Variants in TAFA1 observed in about 807,000 individuals in gnomAD.
TAFA1 encodes chemokine-like protein TAFA-1.
A neutral mutation model predicts 18.5 loss-of-function variants in TAFA1; 4 were observed. That is an observed-to-expected ratio of 0.22 (90% confidence interval 0.11 to 0.49). The LOEUF is 0.49. Ranked by LOEUF, TAFA1 falls within the 20% of genes least tolerant of loss-of-function variation. The pLI, the probability that TAFA1 is intolerant of heterozygous loss-of-function variation, is 0.98. For missense variants in TAFA1, 147 were observed against 169.0 expected (o/e 0.87, Z 0.72); for synonymous variants, 56 against 55.2 (o/e 1.01, Z -0.06).
At chr3:68,034,985 A>G (rs1705014876) in intron 2 of TAFA1, among the ~76,000 whole-genome samples, 1 of 152,132 alleles carries the variant, frequency 6.6e-6, no homozygotes, top group African/African-American at 2.4e-5. Flanking sequence ...CCACCTGAAG[A>G]TCCTGGCTTT....
At position 68,248,159 on chromosome 3, in the gene TAFA1, TA is replaced by T. The variant is rs368056236; in HGVS notation, c.119-169117del. The stretch of plus-strand genomic sequence containing the variant: ...TAACTGACTTTCAATACATGCTCAT[TA>T]AAACCAAAAAAGCTAAATGATTCAA... On this transcript the variant is annotated intron_variant, in intron 2 of 4. Transcript: ENST00000478136. Among the ~76,000 whole-genome samples, 576 of 152,076 alleles carry T rather than the reference TA, an allele frequency of 3.8e-3. 3 individuals are homozygous for T. The highest frequency in any genetic ancestry group is 6.6e-3 in the Non-Finnish European group (450 of 68,014).
At chr3:68,296,457 AG>A (rs2068209265) in intron 2 of TAFA1, among the ~76,000 whole-genome samples, 1 of 152,184 alleles carries the variant, frequency 6.6e-6, no homozygotes, top group African/African-American at 2.4e-5. Context: ...AAATTCATCT[AG>A]GTGTTTTCAT....
chr3:68,222,167 A>AT (rs2066739284), intron 2 of TAFA1, among the ~76,000 whole-genome samples: 2 of 137,756 alleles, frequency 1.5e-5, no homozygotes, highest in South Asian at 5.0e-4. Flanking sequence ...AATGCCACCC[A>AT]TTTTTAGAAG....
chr3:68,539,712 A>C (rs1325183630), intron 4 of TAFA1, among the ~76,000 whole-genome samples: 3 of 24,390 alleles, frequency 1.2e-4, no homozygotes, highest in East Asian at 2.6e-3. Flanking sequence ...GGGTGTGTGC[A>C]TGTGTGTGGT....
rs567230477 is a variant in TAFA1 at position 68,320,303 on chromosome 3, G to A, written c.119-96977G>A. Among the ~76,000 whole-genome samples the A allele has an allele frequency of 3.3e-5, 5 of 152,278 alleles. No homozygotes were observed. The East Asian group carries it at 5.8e-4, about 18-fold the overall frequency. Reference sequence around the variant, plus strand: ...CTCCAAGTTGAATGGATGCAGGGGTGTGTTCTGAGTCTTCATGCTTTCAGA... The same window carrying A: ...CTCCAAGTTGAATGGATGCAGGGGTATGTTCTGAGTCTTCATGCTTTCAGA... On this transcript the variant is annotated intron_variant, in intron 2 of 4. Transcript: ENST00000478136.
intron 2 of TAFA1, among the ~76,000 whole-genome samples, chr3:68,192,834 G>A (rs115884253): frequency 1.4e-4 from 21 of 151,712 alleles, no homozygotes; most frequent in Non-Finnish European, 1.9e-4. Flanking sequence ...AGGGTGTGAT[G>A]GATCAGCTGA....
intron 2 of TAFA1, among the ~76,000 whole-genome samples, chr3:68,172,461 G>T (rs1222744469): frequency 6.6e-6 from 1 of 152,126 alleles, no homozygotes; most frequent in Non-Finnish European, 1.5e-5. Context: ...ATTATAAAAG[G>T]TTGCAGAAAC....
At chr3:68,177,896 G>A (rs1265286358) in intron 2 of TAFA1, among the ~76,000 whole-genome samples, 3 of 152,178 alleles carry the variant, frequency 2.0e-5, no homozygotes, top group African/African-American at 4.8e-5. Context: ...TGTAATCCCA[G>A]CCCTTTGGGA....
intron 3 of TAFA1, among the ~76,000 whole-genome samples, chr3:68,495,595 A>G (rs1559693402): frequency 6.6e-6 from 1 of 152,166 alleles, no homozygotes; most frequent in South Asian, 2.1e-4. Context: ...ACTGAAATGT[A>G]TACAAGATGC....
chr3:68,264,673 C>CTT (rs2067505915), intron 2 of TAFA1, among the ~76,000 whole-genome samples: 1 of 148,736 alleles, frequency 6.7e-6, no homozygotes, highest in Non-Finnish European at 1.5e-5. Flanking sequence ...CAATGAAAGT[C>CTT]TTTATCAATG....
At chr3:68,478,981 T>C (rs1483424162) in intron 3 of TAFA1, among the ~76,000 whole-genome samples, 2 of 150,048 alleles carry the variant, frequency 1.3e-5, no homozygotes, top group Non-Finnish European at 3.0e-5. Flanking sequence ...ATGCCTGTAA[T>C]CAGCACTTTA....
intron 3 of TAFA1, among the ~76,000 whole-genome samples, chr3:68,464,294 C>A (rs1042166309): frequency 6.6e-6 from 1 of 152,186 alleles, no homozygotes; most frequent in African/African-American, 2.4e-5. Context: ...AATATAAATG[C>A]ATTCCTAAGA....
In TAFA1 at chr3:68,214,714, C is replaced by G. The variant is rs528358827; in HGVS notation, c.119-202566C>G. Among the ~76,000 whole-genome samples, 4 of 152,196 alleles carry G rather than the reference C, an allele frequency of 2.6e-5. No individual in the cohort carries two copies. The East Asian group carries it at 7.8e-4, about 30-fold the overall frequency. On this transcript the variant is annotated intron_variant, in intron 2 of 4. Transcript: ENST00000478136. ...TTGATTCTGTGTCTAACACAAAGAG[C>G]TCACAAAATGTTAACAGTTATCATC...
chr3:68,421,829 C>CT (rs1207722688), intron 3 of TAFA1, among the ~76,000 whole-genome samples: 4 of 152,038 alleles, frequency 2.6e-5, no homozygotes, highest in African/African-American at 4.8e-5. Flanking sequence ...TAGAGAGAAA[C>CT]TTTTTTTATG....
At chr3:68,314,539 GC>G (rs1252837070) in intron 2 of TAFA1, among the ~76,000 whole-genome samples, 1 of 152,150 alleles carries the variant, frequency 6.6e-6, no homozygotes, top group Non-Finnish European at 1.5e-5. Flanking sequence ...TGATGGGATT[GC>G]TTTTTGACAA....
chr3:68,213,621 G>C (rs778882360), intron 2 of TAFA1, among the ~76,000 whole-genome samples: 9 of 152,066 alleles, frequency 5.9e-5, no homozygotes, highest in Non-Finnish European at 1.3e-4. Flanking sequence ...CATCAAGACT[G>C]TGTGGATTCC....
At chr3:68,375,699 T>A (rs2069797154) in intron 2 of TAFA1, among the ~76,000 whole-genome samples, 1 of 152,216 alleles carries the variant, frequency 6.6e-6, no homozygotes, top group South Asian at 2.1e-4. Context: ...TAATAACTAA[T>A]ACTTTTTGAA....
chr3:68,541,813 C>A (rs886950326), intron 4 of TAFA1, among the ~76,000 whole-genome samples: 1 of 152,166 alleles, frequency 6.6e-6, no homozygotes. Flanking sequence ...CTGTTCCAAA[C>A]CTTCATCTTT....
At chr3:68,533,537 G>T (rs370074388) in intron 3 of TAFA1, among the ~76,000 whole-genome samples, 5 of 152,156 alleles carry the variant, frequency 3.3e-5, no homozygotes, top group African/African-American at 9.7e-5. Flanking sequence ...TCTACATGTT[G>T]CATGTGAAAG....
Sources: allele counts gnomAD v4.1 joint callset (sites outside exome capture counted in the v4.1 genomes callset), GRCh38; gene constraint gnomAD v4.1.1; transcripts MANE v1.5; gene names NCBI Gene and HGNC (gene_info 2026-07-23, HGNC 2026-07-21).